KCNQ3: variants seen among roughly 807,000 people sequenced by gnomAD.
KCNQ3 encodes the protein potassium voltage-gated channel subfamily Q member 3.
A neutral mutation model predicts 92.5 loss-of-function variants in KCNQ3; 30 were observed. The ratio of observed to expected loss-of-function variants is 0.32; its 90% CI spans 0.24 to 0.44. The LOEUF (loss-of-function observed/expected upper bound fraction) is 0.44. Ranked by LOEUF, KCNQ3 falls within the 20% of genes least tolerant of loss-of-function variation. The pLI, the probability that KCNQ3 is intolerant of heterozygous loss-of-function variation, is 1.00. For synonymous variants in KCNQ3, 450 were observed against 468.8 expected (o/e 0.96, Z 0.52); for missense variants, 913 against 1,140.3 (o/e 0.80, Z 2.87).
chr8:132,407,804 A>G (rs1820532324), intron 1 of KCNQ3, among the ~76,000 whole-genome samples: 1 of 152,206 alleles, frequency 6.6e-6, no homozygotes, highest in Non-Finnish European at 1.5e-5. Context: ...GGTCTGCAGC[A>G]GAGTGCAAAA....
At chr8:132,404,130 G>C (rs756964610) in intron 1 of KCNQ3, among the ~76,000 whole-genome samples, 1 of 152,152 alleles carries the variant, frequency 6.6e-6, no homozygotes, top group Non-Finnish European at 1.5e-5. Context: ...GGAAGAAATG[G>C]GGCAGAAACG....
intron 1 of KCNQ3, among the ~76,000 whole-genome samples, chr8:132,424,884 C>T (rs1302756102): frequency 1.3e-5 from 2 of 152,188 alleles, no homozygotes; most frequent in Admixed American, 6.5e-5. Context: ...GTATTTAGAG[C>T]CCACCAGGTA....
intron 1 of KCNQ3, among the ~76,000 whole-genome samples, chr8:132,358,579 C>G (rs932630513): frequency 2.6e-5 from 4 of 152,014 alleles, no homozygotes; most frequent in Admixed American, 2.6e-4. Flanking sequence ...GCGTTTGATT[C>G]AGAAAAAAAA....
At chr8:132,256,383 C>G (rs1815589384) in intron 1 of KCNQ3, among the ~76,000 whole-genome samples, 1 of 152,064 alleles carries the variant, frequency 6.6e-6, no homozygotes, top group African/African-American at 2.4e-5. Flanking sequence ...AGTGTAGCAA[C>G]ATATGCACAT....
intron 1 of KCNQ3, among the ~76,000 whole-genome samples, chr8:132,306,624 G>T (rs553508470): frequency 9.2e-5 from 14 of 152,266 alleles, no homozygotes; most frequent in African/African-American, 3.4e-4. Context: ...ATACAAAAGG[G>T]GACAACACTA....
chr8:132,212,502 T>G (rs763251062), intron 1 of KCNQ3, among the ~76,000 whole-genome samples: 4 of 152,114 alleles, frequency 2.6e-5, no homozygotes, highest in Admixed American at 2.0e-4. Flanking sequence ...AGGACTGACT[T>G]TCAAGCATCT....
intron 1 of KCNQ3, among the ~76,000 whole-genome samples, chr8:132,303,677 T>TATATATATATACACACACAC (rs376933089): frequency 4.7e-5 from 4 of 85,990 alleles, no homozygotes; most frequent in African/African-American, 1.8e-4. Flanking sequence ...TATATATATA[T>TATATATATATACACACACAC]ACACACACAC....
chr8:132,302,546 C>T (rs1817252692), intron 1 of KCNQ3, among the ~76,000 whole-genome samples: 1 of 152,214 alleles, frequency 6.6e-6, no homozygotes, highest in African/African-American at 2.4e-5. Flanking sequence ...AAGGGCAACA[C>T]AGGCCTGCTG....
At position 132,342,591 on chromosome 8, in the gene KCNQ3, A is replaced by G. The variant is rs77296627; in HGVS notation, c.386+137556T>C. 9.1e-3 allele frequency among the ~76,000 whole-genome samples: 1,393 copies of G among 152,290 alleles called. 18 individuals are homozygous for G. The highest frequency in any genetic ancestry group is 0.032 in the African/African-American group (1,326 of 41,560). On this transcript the variant is annotated intron_variant, in intron 1 of 14. Transcript: ENST00000388996. The stretch of plus-strand genomic sequence containing the variant: ...ATCTGATAAATTATCATCCCTACTC[A>G]GCGTCAGCTAGCAGAAGCAGTAGTT...
At chr8:132,394,952 G>A (rs1034435247) in intron 1 of KCNQ3, among the ~76,000 whole-genome samples, 1 of 152,162 alleles carries the variant, frequency 6.6e-6, no homozygotes, top group Non-Finnish European at 1.5e-5. Context: ...AAACTGAGCT[G>A]GGCCTGCTGG....
chr8:132,210,327 T>C lies in KCNQ3; in HGVS notation c.387-24146A>G, dbSNP rs77307426. ...TGAGCCATGTCTCTTGCTGGTCACCTGTCAAAGAAACACATGAGCCTGCAG... is the reference window on the plus strand; with the variant it reads ...TGAGCCATGTCTCTTGCTGGTCACCCGTCAAAGAAACACATGAGCCTGCAG... On this transcript the variant is annotated intron_variant, in intron 1 of 14. Coordinates refer to ENST00000388996, the MANE Select transcript of KCNQ3 (RefSeq NM_004519.4). Among the ~76,000 whole-genome samples the C allele has an allele frequency of 6.4e-3, 970 of 152,310 alleles. 11 individuals carry two copies. Among genetic ancestry groups the C allele is most frequent in the African/African-American group, 0.022 (927 of 41,570 alleles).
chr8:132,435,328 G>T (rs900628602), intron 1 of KCNQ3, among the ~76,000 whole-genome samples: 2 of 152,182 alleles, frequency 1.3e-5, no homozygotes, highest in Admixed American at 1.3e-4. Flanking sequence ...CAGGTCTGGG[G>T]TCGTTCCAGC....
chr8:132,271,387 T>C (rs13258436), intron 1 of KCNQ3, among the ~76,000 whole-genome samples: 67,222 of 152,236 alleles, frequency 0.44, 16,909 homozygotes, highest in East Asian at 0.73. Flanking sequence ...AAGAAAAAGA[T>C]GGGCTTCTTC....
At chr8:132,257,356 G>A (rs1452248092) in intron 1 of KCNQ3, among the ~76,000 whole-genome samples, 2 of 152,006 alleles carry the variant, frequency 1.3e-5, no homozygotes, top group African/African-American at 2.4e-5. Flanking sequence ...AAAACAAATA[G>A]CAAAAAGACA....
At chr8:132,258,157 CT>C (rs1815656414) in intron 1 of KCNQ3, among the ~76,000 whole-genome samples, 1 of 152,108 alleles carries the variant, frequency 6.6e-6, no homozygotes, top group Admixed American at 6.6e-5. Context: ...TATAGTTAGA[CT>C]AGACATAACA....
At chr8:132,204,908 C>T (rs1200704442) in intron 1 of KCNQ3, among the ~76,000 whole-genome samples, 3 of 152,210 alleles carry the variant, frequency 2.0e-5, no homozygotes, top group Admixed American at 2.0e-4. Context: ...AGATCACCCC[C>T]TCTCTGTTTT....
chr8:132,220,886 T>G (rs750875791), intron 1 of KCNQ3, among the ~76,000 whole-genome samples: 35 of 152,168 alleles, frequency 2.3e-4, no homozygotes, highest in Non-Finnish European at 4.4e-4. Flanking sequence ...TATATAGGTA[T>G]ACATGTGCCA....
chr8:132,168,716 T>C (rs1276955207), intron 8 of KCNQ3, among the ~76,000 whole-genome samples: 1 of 101,568 alleles, frequency 9.8e-6, no homozygotes, highest in Non-Finnish European at 2.0e-5. Flanking sequence ...GGATAATGAA[T>C]ATGTGTGTGT....
rs151031258 is a variant in KCNQ3, at chr8:132,328,789, C to T, written c.387-142608G>A. 3.4e-3 allele frequency among the ~76,000 whole-genome samples: 517 copies of T among 152,200 alleles called. 1 individual carries two copies. Among genetic ancestry groups the T allele is most frequent in the African/African-American group, 0.012 (494 of 41,532 alleles). The stretch of plus-strand genomic sequence containing the variant: ...ATAGTTTCTGGTTCCTAAAAGTATC[C>T]ACTCTACCACTCTTTCTCATTTTTA... On this transcript the variant is annotated intron_variant, in intron 1 of 14. Transcript: ENST00000388996.
Sources: gnomAD v4.1 joint callset for allele counts (sites outside exome capture counted in the v4.1 genomes callset) on GRCh38, gnomAD v4.1.1 for gene constraint, MANE v1.5 for transcripts, NCBI Gene and HGNC (gene_info 2026-07-23, HGNC 2026-07-21) for gene names.